Variants in DAB2IP observed in about 807,000 individuals in gnomAD.
DAB2IP encodes disabled homolog 2-interacting protein.
DAB2IP carries 28 observed loss-of-function variants against 107.2 expected under a neutral mutation model. That is an observed-to-expected ratio of 0.26 (90% CI 0.19 to 0.36). DAB2IP has a LOEUF of 0.36. Ranked by LOEUF, DAB2IP falls within the 10% of genes least tolerant of loss-of-function variation. DAB2IP has a pLI of 1.00. For synonymous variants in DAB2IP, 755 were observed against 706.4 expected (o/e 1.07, Z -1.09); for missense variants, 1,400 against 1,644.7 (o/e 0.85, Z 2.57).
chr9:121,620,138 C>A lies in DAB2IP; in HGVS notation c.40+52910C>A, dbSNP rs191422829. Among the ~76,000 whole-genome samples the A allele has an allele frequency of 1.8e-3, 270 of 152,340 alleles. 2 individuals carry two copies. Among genetic ancestry groups the A allele is most frequent in the African/African-American group, 6.2e-3 (259 of 41,564 alleles). ...AACTAAAGGTCCTTCCCGGCTCTGA[C>A]CCCCTGCTGCAGCCTTCCGGATCCA... On this transcript the variant is annotated intron_variant, in intron 1 of 16. Transcript: ENST00000259371.
At chr9:121,717,282 C>T (rs1830657833) in intron 3 of DAB2IP, among the ~76,000 whole-genome samples, 1 of 152,200 alleles carries the variant, frequency 6.6e-6, no homozygotes, top group Non-Finnish European at 1.5e-5. Flanking sequence ...TGCTGCTTAG[C>T]CTGAATCTCA....
chr9:121,748,695 GT>G (rs1386330802), intron 3 of DAB2IP, among the ~76,000 whole-genome samples: 1 of 152,220 alleles, frequency 6.6e-6, no homozygotes, highest in African/African-American at 2.4e-5. Context: ...GTAAGTGGCT[GT>G]TAGGTCCAGG....
chr9:121,726,256 A>G (rs1418277125), intron 3 of DAB2IP, among the ~76,000 whole-genome samples: 2 of 152,226 alleles, frequency 1.3e-5, no homozygotes, highest in Non-Finnish European at 1.5e-5. Flanking sequence ...ACCCAAAAGG[A>G]CAAAGCTTGG....
At chr9:121,783,396 A>G in exon 16 of DAB2IP, 1 of 1,573,920 alleles carries the variant, frequency 6.4e-7, no homozygotes, top group Non-Finnish European at 8.6e-7. Context: ...CCCAGGGCAC[A>G]GTGGTCCTGT....
intron 1 of DAB2IP, among the ~76,000 whole-genome samples, chr9:121,572,248 GGT>G (rs1446587240): frequency 1.3e-5 from 2 of 152,066 alleles, no homozygotes; most frequent in Admixed American, 6.6e-5. Flanking sequence ...CCTCCGCCTG[GGT>G]GTGTTTTCAT....
intron 14 of DAB2IP, among the ~76,000 whole-genome samples, chr9:121,780,798 C>T (rs1284321355): frequency 6.6e-6 from 1 of 152,200 alleles, no homozygotes; most frequent in Non-Finnish European, 1.5e-5. Context: ...GCCCACTGAG[C>T]TTCCGCGGGT....
rs542226179 is a variant in DAB2IP, at chr9:121,748,901, T to C, written c.363-8112T>C. On this transcript the variant is annotated intron_variant, in intron 3 of 15. Coordinates refer to ENST00000408936, the Ensembl canonical transcript of DAB2IP. ...GCAGAAGGCCACGTGTCTCCCTGTC[T>C]CACAGCCCAGGGCGTTCTGTGTGTA... Among the ~76,000 whole-genome samples the C allele has an allele frequency of 8.5e-5, 13 of 152,280 alleles. 1 individual carries two copies. The South Asian group carries it at 2.7e-3, about 32-fold the overall frequency.
intron 6 of DAB2IP, among the ~76,000 whole-genome samples, chr9:121,762,323 C>T (rs749815034): frequency 2.0e-5 from 3 of 152,162 alleles, no homozygotes; most frequent in Non-Finnish European, 2.9e-5. Context: ...GCTCTCATTG[C>T]GGGAGTTCAG....
chr9:121,765,017 A>C (rs1834165791), intron 8 of DAB2IP, among the ~76,000 whole-genome samples: 1 of 152,184 alleles, frequency 6.6e-6, no homozygotes, highest in Non-Finnish European at 1.5e-5. Flanking sequence ...TGGGCAGGCC[A>C]GGAGGGTTGG....
At chr9:121,574,752 A>C (rs1272144310) in intron 1 of DAB2IP, 4 of 152,168 alleles carry the variant, frequency 2.6e-5, no homozygotes, top group African/African-American at 9.6e-5. Flanking sequence ...CTGGCCCCCA[A>C]TCCAGGGCCC....
At chr9:121,613,311 T>C (rs1470695065) in intron 1 of DAB2IP, among the ~76,000 whole-genome samples, 1 of 152,236 alleles carries the variant, frequency 6.6e-6, no homozygotes, top group Non-Finnish European at 1.5e-5. Context: ...CCTTGCCTCT[T>C]GCCTTCCCTG....
chr9:121,782,377 G>A lies in DAB2IP; in HGVS notation c.3449G>A (p.Ser1150Asn). 6.2e-7 allele frequency: 1 copy of A among 1,614,044 alleles called. No homozygotes were observed. The highest frequency in any genetic ancestry group is 8.5e-7 in the Non-Finnish European group (1 of 1,179,956). ...GATGCCGCCAATGCCCGCCTCATGA[G>A]TGCCCTGACCCAGCTGAAAGAGAGG... The change falls in exon 16 of 16, where the codon AGT becomes AAT. Residue 1150 changes from serine (S) to asparagine (N), a missense_variant. Ser to Asn is a conservative substitution (Grantham distance 46). This residue lies in a region of DAB2IP where 600 missense variants were observed against 659.1 expected (regional missense o/e 0.91). Coordinates refer to ENST00000408936, the Ensembl canonical transcript of DAB2IP. The surrounding 1 kb of genome is among the most constrained non-coding windows in gnomAD (Gnocchi z 6.1).
intron 1 of DAB2IP, among the ~76,000 whole-genome samples, chr9:121,573,546 G>A (rs1192968358): frequency 6.6e-6 from 1 of 151,814 alleles, no homozygotes. Flanking sequence ...CACCAGGCCC[G>A]GCTAATTTTT....
At chr9:121,627,602 G>A (rs1018285783) in intron 1 of DAB2IP, among the ~76,000 whole-genome samples, 3 of 152,164 alleles carry the variant, frequency 2.0e-5, no homozygotes, top group Non-Finnish European at 2.9e-5. Flanking sequence ...TGTGAGAGTC[G>A]GTGGGTCATG....
chr9:121,652,466 A>G (rs1238965808), intron 1 of DAB2IP, among the ~76,000 whole-genome samples: 1 of 152,056 alleles, frequency 6.6e-6, no homozygotes, highest in East Asian at 1.9e-4. Flanking sequence ...TTCTTTTTCC[A>G]GTAACAGGAT....
At chr9:121,678,978 G>C in intron 2 of DAB2IP, 197 bp downstream of exon 2, 1 of 481,836 alleles carries the variant, frequency 2.1e-6, no homozygotes, top group East Asian at 3.6e-5. Flanking sequence ...GGGGCCACAT[G>C]GGGGGTCCCA....
chr9:121,651,604 G>A lies in DAB2IP; in HGVS notation c.-172G>A, dbSNP rs1461026703. 6.0e-6 allele frequency: 6 copies of A among 1,002,164 alleles called. No individual in the cohort carries two copies. Among genetic ancestry groups the A allele is most frequent in the Non-Finnish European group, 6.0e-6 (5 of 831,070 alleles). The allele number at this position is 1,002,164 out of a possible 1,614,324, so 62.1% of individuals were successfully genotyped here. On this transcript the variant is annotated 5_prime_UTR_variant, in exon 1 of 16. Transcript: ENST00000408936. This position sits in a 1 kb window ranked among gnomAD's most constrained non-coding sequence, Gnocchi z 5.1. ...GGGGCCGGCTGCTCGGGGAGCGGGA[G>A]GGGGCAGGAGGCGGAGGAGGAGTTT...
chr9:121,582,148 G>C (rs1404304003), intron 1 of DAB2IP, among the ~76,000 whole-genome samples: 1 of 152,226 alleles, frequency 6.6e-6, no homozygotes, highest in Non-Finnish European at 1.5e-5. Flanking sequence ...CTGAAAGGGG[G>C]TTGGAAGCTA....
chr9:121,600,948 C>A (rs911638983), intron 1 of DAB2IP, among the ~76,000 whole-genome samples: 5 of 152,206 alleles, frequency 3.3e-5, no homozygotes, highest in African/African-American at 1.2e-4. Flanking sequence ...AGAGAGCCAG[C>A]ATCCTTGTGC....
Sources: allele counts gnomAD v4.1 joint callset (sites outside exome capture counted in the v4.1 genomes callset), GRCh38; gene constraint gnomAD v4.1.1; regional missense constraint gnomAD v4.1.1; non-coding constraint Gnocchi (gnomAD v3.1); transcripts MANE v1.5; gene names NCBI Gene and HGNC (gene_info 2026-07-23, HGNC 2026-07-21).